The following GLS variants were observed in gnomAD, a reference collection of about 807,000 sequenced individuals.
GLS encodes the protein glutaminase kidney isoform, mitochondrial.
GLS carries 36 observed loss-of-function variants against 86.7 expected under a neutral mutation model. The observed-to-expected ratio is 0.42, with a 90% CI of 0.32 to 0.55. The LOEUF is 0.55. GLS is among the 20% of genes least tolerant of loss of function. GLS has a pLI of 0.17. For synonymous variants in GLS, 317 were observed against 305.9 expected (o/e 1.04, Z -0.38); for missense variants, 528 against 833.4 (o/e 0.63, Z 4.51).
Position 190,880,823 on chromosome 2 carries a change from T to A in GLS, c.-262T>A. ...GCCCTCCCCTGCGCTTTAGCCTCAGTGCGGAGCCTTAGGCGGAGCGAAGAG... is the reference window on the plus strand; with the variant it reads ...GCCCTCCCCTGCGCTTTAGCCTCAGAGCGGAGCCTTAGGCGGAGCGAAGAG... On this transcript the variant is annotated 5_prime_UTR_variant, in exon 1 of 18. Transcript: ENST00000320717. 21 of 728,904 alleles carry A rather than the reference T, an allele frequency of 2.9e-5. No homozygotes were observed. In the South Asian group the frequency reaches 3.0e-4, roughly 10 times the overall value. 45.2% of individuals were successfully genotyped at this position (728,904 alleles called of 1,614,324 possible).
At chr2:190,923,357 C>A (rs557360184) in intron 9 of GLS, among the ~76,000 whole-genome samples, 1 of 152,170 alleles carries the variant, frequency 6.6e-6, no homozygotes, top group Non-Finnish European at 1.5e-5. Flanking sequence ...TCCCCAGTTA[C>A]ATCAGAATAT....
intron 1 of GLS, among the ~76,000 whole-genome samples, chr2:190,882,568 C>G (rs1209353965): frequency 2.0e-5 from 3 of 152,148 alleles, no homozygotes; most frequent in Non-Finnish European, 4.4e-5. Flanking sequence ...TTCCTTAAGT[C>G]AAACTGAAAG....
rs574426146 is a variant in GLS at position 190,956,953 on chromosome 2, T to A, written c.1853+2135T>A. ...TGCCTGTGATTTTTGCACATTGATT[T>A]TGTATCTTGAGACTTTGCTGAAGTT... is the stretch of plus-strand genomic sequence containing the variant. On this transcript the variant is annotated intron_variant, in intron 17 of 17. Transcript: ENST00000320717. The surrounding 1 kb of genome is among the most constrained non-coding windows in gnomAD (Gnocchi z 4.2). Among the ~76,000 whole-genome samples the A allele has an allele frequency of 6.6e-6, 1 of 152,330 alleles. No homozygotes were observed. Among genetic ancestry groups the A allele is most frequent in the South Asian group, 2.1e-4 (1 of 4,830 alleles).
intron 1 of GLS, among the ~76,000 whole-genome samples, chr2:190,893,748 CT>C (rs1250324977): frequency 2.6e-5 from 4 of 152,010 alleles, no homozygotes; most frequent in African/African-American, 9.7e-5. Context: ...CAACGTCTGG[CT>C]AGTTTTTCTA....
intron 14 of GLS, among the ~76,000 whole-genome samples, chr2:190,932,470 A>G (rs1690138724): frequency 6.6e-6 from 1 of 151,938 alleles, no homozygotes; most frequent in South Asian, 2.1e-4. Flanking sequence ...CATTTTCTGT[A>G]GTGCTAAACT....
At chr2:190,909,728 G>A (rs1333282578) in intron 6 of GLS, among the ~76,000 whole-genome samples, 1 of 152,078 alleles carries the variant, frequency 6.6e-6, no homozygotes, top group Non-Finnish European at 1.5e-5. Flanking sequence ...TTATTGTCAG[G>A]AAATACAGAA....
chr2:190,890,349 A>G (rs1046594284), intron 1 of GLS, among the ~76,000 whole-genome samples: 5 of 152,088 alleles, frequency 3.3e-5, no homozygotes, highest in African/African-American at 4.8e-5. Flanking sequence ...ACACTCTTCT[A>G]GGACTCTCTT....
chr2:190,935,989 A>T lies in GLS; in HGVS notation c.1650+4352A>T, dbSNP rs541178840. 2.0e-5 allele frequency among the ~76,000 whole-genome samples: 3 copies of T among 151,254 alleles called. No individual in the cohort carries two copies. Among genetic ancestry groups the T allele is most frequent in the East Asian group, 3.9e-4 (2 of 5,178 alleles). ...GCCATTCATATTCTGGAGATTCCTG[A>T]ATATATTGTAGAAGTTTTAAAACTA... is the stretch of plus-strand genomic sequence containing the variant. On this transcript the variant is annotated intron_variant, in intron 14 of 17. Transcript: ENST00000320717. The surrounding 1 kb of genome is among the most constrained non-coding windows in gnomAD (Gnocchi z 4.2).
chr2:190,910,943 T>G (rs1689338085), intron 7 of GLS, among the ~76,000 whole-genome samples: 1 of 151,036 alleles, frequency 6.6e-6, no homozygotes, highest in African/African-American at 2.4e-5. Flanking sequence ...GTTTTTTTTT[T>G]TTTTAGTGTT....
At chr2:190,902,128 C>A in intron 5 of GLS, 102 bp downstream of exon 5, 4 of 681,546 alleles carry the variant, frequency 5.9e-6, no homozygotes, top group South Asian at 3.7e-5. Context: ...GGAAATTAGT[C>A]CTAACAGGAT....
intron 1 of GLS, among the ~76,000 whole-genome samples, chr2:190,892,271 C>T (rs1412921581): frequency 2.0e-5 from 3 of 151,828 alleles, no homozygotes; most frequent in African/African-American, 2.4e-5. Flanking sequence ...AGAAAGGAAA[C>T]GAGAGAGACA....
intron 6 of GLS, among the ~76,000 whole-genome samples, chr2:190,908,389 A>G (rs1689235331): frequency 6.6e-6 from 1 of 152,236 alleles, no homozygotes; most frequent in South Asian, 2.1e-4. Context: ...CTTTTGATAT[A>G]ATATGAAAGA....
At chr2:190,900,348 C>A (rs1688896133) in intron 3 of GLS, among the ~76,000 whole-genome samples, 1 of 152,036 alleles carries the variant, frequency 6.6e-6, no homozygotes, top group African/African-American at 2.4e-5. Flanking sequence ...TTAGGCACAT[C>A]CAGATTAATC....
rs1239793159 is a variant in GLS at position 190,954,462 on chromosome 2, T to C, written c.1713-122T>C. On this transcript the variant is annotated intron_variant, in intron 15 of 17. Transcript: ENST00000320717. The surrounding 1 kb of genome is among the most constrained non-coding windows in gnomAD (Gnocchi z 4.0). Reference sequence around the variant, plus strand: ...TGGTTAATAAGGTCGGTAGTTCCCATTAATGAGCTTGATGAAGGATGGCAC... The same window carrying C: ...TGGTTAATAAGGTCGGTAGTTCCCACTAATGAGCTTGATGAAGGATGGCAC... 1.5e-6 allele frequency: 1 copy of C among 660,180 alleles called. No homozygotes were observed. The highest frequency in any genetic ancestry group is 2.7e-6 in the Non-Finnish European group (1 of 373,848). 40.9% of individuals were successfully genotyped at this position (660,180 alleles called of 1,614,324 possible).
chr2:190,959,135 A>T (rs1010937051), intron 17 of GLS, among the ~76,000 whole-genome samples: 7 of 151,978 alleles, frequency 4.6e-5, no homozygotes, highest in African/African-American at 1.5e-4. Context: ...TAGGATAGTT[A>T]GCTCTTCTTG....
intron 12 of GLS, 180 bp downstream of exon 12, chr2:190,927,662 C>G (rs1003499438): frequency 2.0e-6 from 1 of 501,280 alleles, no homozygotes; most frequent in African/African-American, 2.0e-5. Context: ...ACCAGATGTT[C>G]TTAAGAACTT....
chr2:190,929,991 G>A (rs796345005), intron 12 of GLS, among the ~76,000 whole-genome samples: 19 of 151,652 alleles, frequency 1.3e-4, no homozygotes, highest in African/African-American at 4.3e-4. Context: ...GACTACAGGC[G>A]TGCACTTTGG....
intron 17 of GLS, among the ~76,000 whole-genome samples, chr2:190,958,995 ATCTG>A (rs772212195): frequency 1.8e-4 from 28 of 152,248 alleles, no homozygotes; most frequent in African/African-American, 3.9e-4. Flanking sequence ...TGTCTCGTTG[ATCTG>A]TCTAATATTG....
At chr2:190,886,795 A>C (rs1688395535) in intron 1 of GLS, among the ~76,000 whole-genome samples, 1 of 151,952 alleles carries the variant, frequency 6.6e-6, no homozygotes, top group African/African-American at 2.4e-5. Context: ...GGGCACCTGT[A>C]ATCCCAGCTA....
Sources: gnomAD v4.1 joint callset for allele counts (sites outside exome capture counted in the v4.1 genomes callset) on GRCh38, gnomAD v4.1.1 for gene constraint, Gnocchi (gnomAD v3.1) non-coding constraint, MANE v1.5 for transcripts, NCBI Gene and HGNC (gene_info 2026-07-23, HGNC 2026-07-21) for gene names.